RASAL2: variants seen among roughly 807,000 people sequenced by gnomAD.
RASAL2 encodes ras GTPase-activating protein nGAP.
In RASAL2, 58 loss-of-function variants were observed where a neutral mutation model predicts 128.9. The observed-to-expected ratio is 0.45, with a 90% CI of 0.36 to 0.56. The LOEUF (loss-of-function observed/expected upper bound fraction) is 0.56. Ranked by LOEUF, RASAL2 falls within the 20% of genes least tolerant of loss-of-function variation. The pLI, the probability that RASAL2 is intolerant of heterozygous loss-of-function variation, is 0.00. For missense variants in RASAL2, 1,360 were observed against 1,601.6 expected (o/e 0.85, Z 2.57); for synonymous variants, 561 against 580.8 (o/e 0.97, Z 0.49).
intron 3 of RASAL2, among the ~76,000 whole-genome samples, chr1:178,366,313 A>G (rs546034601): frequency 2.0e-5 from 3 of 151,590 alleles, no homozygotes; most frequent in South Asian, 2.1e-4. Context: ...TACTATTTAT[A>G]TAAAGTTACT....
intron 17 of RASAL2, among the ~76,000 whole-genome samples, chr1:178,471,930 T>G (rs990009295): frequency 6.6e-6 from 1 of 152,210 alleles, no homozygotes; most frequent in African/African-American, 2.4e-5. Context: ...TACCATGCTT[T>G]TCTCAGGGTC....
chr1:178,174,250 A>G (rs1417536446), intron 1 of RASAL2, among the ~76,000 whole-genome samples: 2 of 151,986 alleles, frequency 1.3e-5, no homozygotes, highest in African/African-American at 2.4e-5. Context: ...CTCTTTTCCT[A>G]GTAGTCATTT....
chr1:178,219,024 A>G (rs1663526488), intron 1 of RASAL2, among the ~76,000 whole-genome samples: 1 of 152,258 alleles, frequency 6.6e-6, no homozygotes. Flanking sequence ...CTTAGTGTTC[A>G]TCAATGGTCT....
chr1:178,264,322 C>T (rs1665838132), intron 1 of RASAL2, among the ~76,000 whole-genome samples: 1 of 152,184 alleles, frequency 6.6e-6, no homozygotes, highest in South Asian at 2.1e-4. Context: ...TTAAATAACT[C>T]ATGTATTCAC....
intron 4 of RASAL2, among the ~76,000 whole-genome samples, chr1:178,407,628 T>A (rs1193432632): frequency 6.6e-6 from 1 of 152,188 alleles, no homozygotes; most frequent in Non-Finnish European, 1.5e-5. Flanking sequence ...TAAAAATAGT[T>A]AATCACTTAG....
rs1661952695 is a variant in RASAL2 at position 178,178,011 on chromosome 1, G to A, written c.202+83317G>A. Among the ~76,000 whole-genome samples the A allele has an allele frequency of 2.6e-5, 4 of 152,206 alleles. No homozygotes were observed. In the South Asian group the frequency reaches 8.3e-4, roughly 32 times the overall value. On this transcript the variant is annotated intron_variant, in intron 1 of 17. Transcript: ENST00000367649. ...GGGTTATTTCTCTTTTGTGATTATA[G>A]TTTTCAAATTTCGTATTGAGTGTTG...
At chr1:178,099,458 TG>T (rs1248314946) in intron 1 of RASAL2, among the ~76,000 whole-genome samples, 4 of 152,332 alleles carry the variant, frequency 2.6e-5, no homozygotes, top group Admixed American at 2.6e-4. Flanking sequence ...AGAGAAAATT[TG>T]TATGTCTTAT....
chr1:178,448,644 G>T (rs1197076325), intron 9 of RASAL2, among the ~76,000 whole-genome samples: 1 of 150,760 alleles, frequency 6.6e-6, no homozygotes, highest in African/African-American at 2.4e-5. Context: ...TTTGTGTTTT[G>T]TTAAAAAAGT....
intron 1 of RASAL2, among the ~76,000 whole-genome samples, chr1:178,259,916 C>G (rs1453668173): frequency 6.6e-6 from 1 of 152,040 alleles, no homozygotes. Context: ...ATTTAGACTT[C>G]AGAGTGTAGA....
chr1:178,360,162 A>T (rs1360375310), intron 3 of RASAL2, among the ~76,000 whole-genome samples: 1 of 151,616 alleles, frequency 6.6e-6, no homozygotes, highest in Non-Finnish European at 1.5e-5. Flanking sequence ...ATTTAACTCC[A>T]CCCCCAACCC....
At chr1:178,161,866 CTG>C (rs1661312082) in intron 1 of RASAL2, among the ~76,000 whole-genome samples, 1 of 152,020 alleles carries the variant, frequency 6.6e-6, no homozygotes, top group South Asian at 2.1e-4. Context: ...GTTTGAGACA[CTG>C]TGTGTCTTCT....
intron 1 of RASAL2, chr1:178,194,495 A>G: frequency 5.8e-6 from 1 of 173,604 alleles, no homozygotes; most frequent in Non-Finnish European, 1.3e-5. Flanking sequence ...AATTTCCGGT[A>G]ATGATGAATT....
chr1:178,384,282 GATATTT>G (rs1385647395), intron 3 of RASAL2, among the ~76,000 whole-genome samples: 1 of 152,082 alleles, frequency 6.6e-6, no homozygotes, highest in African/African-American at 2.4e-5. Context: ...ATTTTACTAT[GATATTT>G]TAGTTTCTTA....
chr1:178,141,063 A>C (rs1399178616), intron 1 of RASAL2, among the ~76,000 whole-genome samples: 1 of 152,146 alleles, frequency 6.6e-6, no homozygotes, highest in Non-Finnish European at 1.5e-5. Context: ...GTCTTATGTG[A>C]ACTCAGAGCG....
At chr1:178,162,993 AAG>A (rs776484161) in intron 1 of RASAL2, among the ~76,000 whole-genome samples, 4 of 151,218 alleles carry the variant, frequency 2.6e-5, no homozygotes, top group Non-Finnish European at 5.9e-5. Flanking sequence ...TTTTCCAAGA[AAG>A]AGTCTTGCTC....
chr1:178,224,664 C>A (rs1663728021), intron 1 of RASAL2, among the ~76,000 whole-genome samples: 2 of 152,114 alleles, frequency 1.3e-5, no homozygotes, highest in African/African-American at 4.8e-5. Context: ...AATTCTAGAA[C>A]TCTCTTTGTT....
chr1:178,456,645 T>C, intron 12 of RASAL2, 76 bp from the exon 13 acceptor site: 1 of 1,509,580 alleles, frequency 6.6e-7, no homozygotes, highest in Non-Finnish European at 9.2e-7. Context: ...TCAATGGCCA[T>C]CGTTGTGCCA....
At chr1:178,098,636 G>A (rs553742842) in intron 1 of RASAL2, among the ~76,000 whole-genome samples, 1 of 152,286 alleles carries the variant, frequency 6.6e-6, no homozygotes, top group African/African-American at 2.4e-5. Flanking sequence ...TATGTGCTCA[G>A]ATATGCTCTT....
chr1:178,338,410 G>A lies in RASAL2; in HGVS notation c.457+38292G>A, dbSNP rs562690439. Among the ~76,000 whole-genome samples, 20 of 152,252 alleles carry A rather than the reference G, an allele frequency of 1.3e-4. No individual in the cohort carries two copies. In the East Asian group the frequency reaches 1.5e-3, roughly 12 times the overall value. On this transcript the variant is annotated intron_variant, in intron 3 of 17. Coordinates refer to ENST00000367649, the MANE Select transcript of RASAL2 (RefSeq NM_170692.4). ...CTCCCAAAGTGCTGGGATTACAGGC[G>A]TGAGCCACCGTGCCGGGCCTGGTTT...
Sources: allele counts gnomAD v4.1 joint callset (sites outside exome capture counted in the v4.1 genomes callset), GRCh38; gene constraint gnomAD v4.1.1; transcripts MANE v1.5; gene names NCBI Gene and HGNC (gene_info 2026-07-23, HGNC 2026-07-21).